Variants in PALD1 observed in about 807,000 individuals in gnomAD.
PALD1 encodes the protein phosphatase domain containing paladin 1.
Under a neutral mutation model 96.0 loss-of-function variants are expected in PALD1, and 57 were observed. That is an observed-to-expected ratio of 0.59 (90% CI 0.48 to 0.74). PALD1 has a LOEUF of 0.74. PALD1 is among the 30% of genes least tolerant of loss of function. The pLI, the probability that PALD1 is intolerant of heterozygous loss-of-function variation, is 0.00. For missense variants in PALD1, 1,063 were observed against 1,143.7 expected (o/e 0.93, Z 1.02); for synonymous variants, 464 against 473.6 (o/e 0.98, Z 0.26).
At chr10:70,495,780 G>T (rs1462109906) in intron 1 of PALD1, among the ~76,000 whole-genome samples, 1 of 151,608 alleles carries the variant, frequency 6.6e-6, no homozygotes, top group East Asian at 1.9e-4. Context: ...TGGGGCAGGA[G>T]GATCACTGAG....
chr10:70,461,925 T>C, the PALD1 span, among the ~76,000 whole-genome samples: 1 of 152,160 alleles, frequency 6.6e-6, no homozygotes, highest in African/African-American at 2.4e-5. Context: ...CCCGAGTAGC[T>C]GGGACTACAG....
intron 1 of PALD1, among the ~76,000 whole-genome samples, chr10:70,521,182 C>T (rs1431397841): frequency 2.0e-5 from 3 of 152,150 alleles, no homozygotes; most frequent in African/African-American, 7.2e-5. Context: ...TCTAGGAGGC[C>T]TCGTCAGGCA....
At position 70,529,109 on chromosome 10, in the gene PALD1, T is replaced by G. The variant is rs573201724; in HGVS notation, c.186-120T>G. On this transcript the variant is annotated intron_variant, in intron 2 of 19. Transcript: ENST00000263563. ...GGATATTGAGGGACAATGGGCAGTC[T>G]CTGCCACAAATCGTAGCCACAGGGG... is the stretch of plus-strand genomic sequence containing the variant. The G allele has an allele frequency of 7.2e-5, 45 of 621,700 alleles. No homozygotes were observed. In the African/African-American group the frequency reaches 7.8e-4, roughly 11 times the overall value. 38.5% of individuals were successfully genotyped at this position (621,700 alleles called of 1,614,324 possible).
chr10:70,489,663 C>T (rs1290968795), intron 1 of PALD1, among the ~76,000 whole-genome samples: 2 of 152,194 alleles, frequency 1.3e-5, no homozygotes, highest in Non-Finnish European at 2.9e-5. Flanking sequence ...ACTTCCAATT[C>T]ACAGCCCTAT....
intron 15 of PALD1, 93 bp from the exon 16 acceptor site, chr10:70,541,009 C>T (rs1847231122): frequency 7.2e-7 from 1 of 1,380,194 alleles, no homozygotes. Flanking sequence ...GGCCCGAGGA[C>T]AGTGGCTGGG....
Position 70,491,412 on chromosome 10 carries a change from C to G in PALD1, c.-30+12353C>G, listed in dbSNP as rs74139649. Among the ~76,000 whole-genome samples, 849 of 130,058 alleles carry G rather than the reference C, an allele frequency of 6.5e-3. 4 individuals are homozygous for G. The highest frequency in any genetic ancestry group is 0.015 in the African/African-American group (626 of 41,000). 85.3% of individuals were successfully genotyped at this position (130,058 alleles called of 152,430 possible). ...ATGGGGTGGCTCTGTTCTCCCTCCC[C>G]ACCTGCTTTTTTTTTCCTATTTGAA... is the stretch of plus-strand genomic sequence containing the variant. On this transcript the variant is annotated intron_variant, in intron 1 of 19. Coordinates refer to ENST00000263563, the MANE Select transcript of PALD1 (RefSeq NM_014431.3).
the PALD1 span, among the ~76,000 whole-genome samples, chr10:70,469,825 G>A: frequency 2.0e-5 from 3 of 152,098 alleles, no homozygotes; most frequent in South Asian, 4.2e-4. Context: ...ATGGAGTCTC[G>A]CTCTGTCGCC....
chr10:70,541,001 C>A, intron 15 of PALD1, 101 bp from the exon 16 acceptor site: 1 of 1,326,266 alleles, frequency 7.5e-7, no homozygotes, highest in Non-Finnish European at 1.0e-6. Flanking sequence ...CAATTTCTGG[C>A]CCGAGGACAG....
chr10:70,537,818 G>A lies in PALD1; in HGVS notation c.1235G>A (p.Gly412Asp). The A allele has an allele frequency of 6.2e-7, 1 of 1,611,338 alleles. No individual in the cohort carries two copies. The highest frequency in any genetic ancestry group is 1.1e-5 in the South Asian group (1 of 90,996). ...IRPESPAQGS[G>D]SRHSVWQRAL... ...CCCTGTCCTCTCTCTCAGGGAAGCG[G>A]CAGCCGACACAGCGTCTGGCAGAGG... Residue 412 changes from glycine to aspartate, a missense_variant, in exon 11 of 20, where the codon GGC (glycine) becomes GAC (aspartate). Gly to Asp is a moderately conservative substitution (Grantham distance 94, BLOSUM62 -1). Coordinates refer to ENST00000263563, the MANE Select transcript of PALD1 (RefSeq NM_014431.3).
chr10:70,542,137 C>T (rs377504514), intron 17 of PALD1, among the ~76,000 whole-genome samples: 8 of 152,178 alleles, frequency 5.3e-5, no homozygotes, highest in East Asian at 1.9e-4. Flanking sequence ...CCCTCCCCTG[C>T]CCTCGCCCCA....
At position 70,566,607 on chromosome 10, in the gene PALD1, G is replaced by A. The variant is rs1302482443; in HGVS notation, c.2445G>A (p.Glu815=). The A allele has an allele frequency of 1.9e-6, 3 of 1,611,222 alleles. No homozygotes were observed. In the Admixed American group the frequency reaches 5.0e-5, roughly 27 times the overall value. Residue 815 remains glutamate (E), a synonymous_variant, in exon 20 of 20, where the codon GAG becomes GAA. Coordinates refer to ENST00000263563, the MANE Select transcript of PALD1 (RefSeq NM_014431.3). The part of the protein sequence containing the change: ...QEVASKAGIY[E]ILNELGFPEL... ...TGGCATCGAAGGCTGGCATCTACGA[G>A]ATCCTTAACGAGCTGGGCTTCCCCG... is the stretch of plus-strand genomic sequence containing the variant.
the PALD1 span, among the ~76,000 whole-genome samples, chr10:70,463,627 G>C: frequency 7.2e-5 from 11 of 152,114 alleles, no homozygotes; most frequent in Non-Finnish European, 1.5e-4. Context: ...CTGTCATGGA[G>C]CTAATATCCT....
At chr10:70,538,021 G>A in intron 11 of PALD1, 115 bp downstream of exon 11, 1 of 861,550 alleles carries the variant, frequency 1.2e-6, no homozygotes, top group South Asian at 1.5e-5. Flanking sequence ...GGGGAGGGAA[G>A]GGAGGCCAGG....
At chr10:70,553,273 T>C (rs1336331896) in intron 18 of PALD1, among the ~76,000 whole-genome samples, 2 of 152,208 alleles carry the variant, frequency 1.3e-5, no homozygotes, top group Non-Finnish European at 2.9e-5. Flanking sequence ...CTGTTTCCTT[T>C]GATTTCCCTG....
intron 17 of PALD1, among the ~76,000 whole-genome samples, chr10:70,544,879 A>G (rs1225080243): frequency 6.6e-6 from 1 of 151,998 alleles, no homozygotes; most frequent in African/African-American, 2.4e-5. Context: ...TTCTCCTCCC[A>G]CTTGGTTGCA....
chr10:70,541,018 G>A, intron 15 of PALD1, 84 bp from the exon 16 acceptor site: 2 of 1,437,512 alleles, frequency 1.4e-6, no homozygotes, highest in Non-Finnish European at 1.9e-6. Context: ...ACAGTGGCTG[G>A]GGCTGCCATG....
chr10:70,552,148 C>T (rs1443868462), intron 18 of PALD1, among the ~76,000 whole-genome samples: 1 of 152,216 alleles, frequency 6.6e-6, no homozygotes, highest in African/African-American at 2.4e-5. Flanking sequence ...GTGCGCAGAG[C>T]TGACGTTCTC....
At chr10:70,473,540 C>A in the PALD1 span, among the ~76,000 whole-genome samples, 2 of 152,172 alleles carry the variant, frequency 1.3e-5, no homozygotes, top group Non-Finnish European at 2.9e-5. Context: ...TCCCAGCCCA[C>A]TAAAATGTCA....
chr10:70,520,694 T>TC (rs1289981202), intron 1 of PALD1, among the ~76,000 whole-genome samples: 1 of 145,122 alleles, frequency 6.9e-6, no homozygotes, highest in African/African-American at 2.5e-5. Context: ...TCTTTTTTTT[T>TC]TTTTTTTTTT....
Sources: gnomAD v4.1 joint callset for allele counts (sites outside exome capture counted in the v4.1 genomes callset) on GRCh38, gnomAD v4.1.1 for gene constraint, MANE v1.5 for transcripts, NCBI Gene and HGNC (gene_info 2026-07-23, HGNC 2026-07-21) for gene names.